STAC: variants seen among roughly 807,000 people sequenced by gnomAD.
STAC encodes the protein SH3 and cysteine rich domain.
Under a neutral mutation model 48.8 loss-of-function variants are expected in STAC, and 43 were observed. The observed-to-expected ratio is 0.88, with a 90% CI of 0.69 to 1.14. The LOEUF (loss-of-function observed/expected upper bound fraction) is 1.14. STAC is among the 50% of genes most tolerant of loss of function. STAC has a pLI of 0.00. For missense variants in STAC, 497 were observed against 504.0 expected (o/e 0.99, Z 0.13); for synonymous variants, 193 against 179.5 (o/e 1.07, Z -0.60).
At chr3:36,457,774 CA>C (rs1235024039) in intron 2 of STAC, among the ~76,000 whole-genome samples, 1 of 152,238 alleles carries the variant, frequency 6.6e-6, no homozygotes, top group Non-Finnish European at 1.5e-5. Flanking sequence ...AAACTTTAAG[CA>C]AAACACACAA....
At chr3:36,513,934 C>T (rs1180785325) in intron 8 of STAC, among the ~76,000 whole-genome samples, 1 of 151,980 alleles carries the variant, frequency 6.6e-6, no homozygotes, top group Non-Finnish European at 1.5e-5. Flanking sequence ...ATCAGTTGAC[C>T]TGGGTTTAAG....
intron 8 of STAC, among the ~76,000 whole-genome samples, chr3:36,516,351 G>A (rs1698673599): frequency 2.0e-5 from 3 of 152,010 alleles, no homozygotes; most frequent in African/African-American, 7.2e-5. Flanking sequence ...AAGAGGAAGA[G>A]CTGGTTGCTG....
chr3:36,458,046 G>C (rs1696900413), intron 2 of STAC, among the ~76,000 whole-genome samples: 2 of 152,200 alleles, frequency 1.3e-5, no homozygotes, highest in African/African-American at 2.4e-5. Context: ...GGTTGGAAAA[G>C]ATGTAGTAGA....
At chr3:36,432,937 G>A (rs1402959897) in intron 1 of STAC, among the ~76,000 whole-genome samples, 1 of 152,176 alleles carries the variant, frequency 6.6e-6, no homozygotes, top group Admixed American at 6.5e-5. Flanking sequence ...AGAGCCTGGT[G>A]TATAATAAGA....
chr3:36,468,088 T>G (rs1697227031), intron 2 of STAC, among the ~76,000 whole-genome samples: 1 of 152,152 alleles, frequency 6.6e-6, no homozygotes, highest in Non-Finnish European at 1.5e-5. Flanking sequence ...ATTTCCATCT[T>G]GATTTCATTG....
At chr3:36,397,900 T>TGCAGCAG (rs1480702376) in intron 1 of STAC, among the ~76,000 whole-genome samples, 9 of 151,768 alleles carry the variant, frequency 5.9e-5, no homozygotes, top group Admixed American at 5.9e-4. Context: ...GACTTTTGCA[T>TGCAGCAG]GCAGCAGGCA....
At chr3:36,518,525 T>C (rs147616574) in intron 8 of STAC, among the ~76,000 whole-genome samples, 21 of 152,330 alleles carry the variant, frequency 1.4e-4, no homozygotes, top group African/African-American at 4.8e-4. Flanking sequence ...ACTACTTCAA[T>C]GTATGTCAGA....
At chr3:36,401,995 G>T (rs546495397) in intron 1 of STAC, among the ~76,000 whole-genome samples, 1 of 152,192 alleles carries the variant, frequency 6.6e-6, no homozygotes, top group African/African-American at 2.4e-5. Flanking sequence ...AACTATAGAG[G>T]TGGAGGCTGA....
intron 2 of STAC, among the ~76,000 whole-genome samples, chr3:36,458,261 C>T (rs559946185): frequency 9.9e-5 from 15 of 152,242 alleles, no homozygotes; most frequent in East Asian, 3.9e-4. Flanking sequence ...ATTGAGGCCC[C>T]ATACTAGAGT....
At chr3:36,488,845 G>T (rs1236485127) in intron 5 of STAC, among the ~76,000 whole-genome samples, 2 of 152,006 alleles carry the variant, frequency 1.3e-5, no homozygotes, top group African/African-American at 2.4e-5. Flanking sequence ...TTAAAGAAAG[G>T]CTTTGCGCCA....
Position 36,398,303 on chromosome 3 carries a change from GAA to G in STAC, c.111+17551_111+17552del, listed in dbSNP as rs1255850087. 1.6e-4 allele frequency among the ~76,000 whole-genome samples: 16 copies of G among 97,226 alleles called. 1 individual carries two copies. The highest frequency in any genetic ancestry group is 1.3e-3 in the Admixed American group (12 of 9,426). 63.8% of individuals were successfully genotyped at this position (97,226 alleles called of 152,430 possible). A position where few individuals can be genotyped will look rare whatever the true frequency, so the allele number is the denominator to read the frequency against. On this transcript the variant is annotated intron_variant, in intron 1 of 10. Transcript: ENST00000273183. ...CTATGAAGGTATGTTAAAAAAGAAAGAAAGAAAGAAAGAAAGCAAGAAAGAAA... is the reference window on the plus strand; with the variant it reads ...CTATGAAGGTATGTTAAAAAAGAAAGAGAAAGAAAGAAAGCAAGAAAGAAA...
chr3:36,442,501 G>A (rs1409493695), intron 1 of STAC, among the ~76,000 whole-genome samples: 1 of 152,124 alleles, frequency 6.6e-6, no homozygotes, highest in East Asian at 1.9e-4. Context: ...GGTGCACCAT[G>A]GTGCAAGCTG....
rs6808777 is a variant in STAC at position 36,416,148 on chromosome 3, T to G, written c.112-27216T>G. 2.8e-3 allele frequency among the ~76,000 whole-genome samples: 423 copies of G among 152,298 alleles called. 4 individuals carry two copies. Among genetic ancestry groups the G allele is most frequent in the African/African-American group, 9.6e-3 (400 of 41,556 alleles). ...CTTTGGGAATTACTTTTAATTTTTA[T>G]AGTAACTTGGAAAGAATTGACTTAC... On this transcript the variant is annotated intron_variant, in intron 1 of 10. Transcript: ENST00000273183.
chr3:36,437,447 T>TA (rs1430758768), intron 1 of STAC, among the ~76,000 whole-genome samples: 2 of 151,676 alleles, frequency 1.3e-5, no homozygotes, highest in African/African-American at 2.4e-5. Context: ...TATGCAGCCA[T>TA]AAAAAATGAT....
intron 1 of STAC, among the ~76,000 whole-genome samples, chr3:36,406,685 A>G (rs113255764): frequency 1.3e-5 from 2 of 152,370 alleles, no homozygotes; most frequent in African/African-American, 4.8e-5. Flanking sequence ...TTTTGTAAAT[A>G]AACTTTCATT....
intron 2 of STAC, among the ~76,000 whole-genome samples, chr3:36,479,570 T>G (rs539889918): frequency 6.6e-6 from 1 of 152,342 alleles, no homozygotes; most frequent in East Asian, 1.9e-4. Flanking sequence ...AGTGGCATCT[T>G]TGTTTCCAGG....
chr3:36,453,046 G>T (rs960629865), intron 2 of STAC, among the ~76,000 whole-genome samples: 4 of 152,244 alleles, frequency 2.6e-5, no homozygotes, highest in Admixed American at 1.3e-4. Context: ...CCCATTTTGG[G>T]TACCAGTTTG....
chr3:36,462,498 T>C (rs1292902866), intron 2 of STAC, among the ~76,000 whole-genome samples: 3 of 152,084 alleles, frequency 2.0e-5, no homozygotes, highest in East Asian at 1.9e-4. Context: ...GGAGTAAGTA[T>C]AGACAGAGAA....
chr3:36,495,224 T>A (rs1268949623), intron 6 of STAC, among the ~76,000 whole-genome samples: 2 of 152,238 alleles, frequency 1.3e-5, no homozygotes, highest in Non-Finnish European at 2.9e-5. Context: ...TTGGATGACA[T>A]AATGAATGTA....
Sources: allele counts gnomAD v4.1 joint callset (sites outside exome capture counted in the v4.1 genomes callset), GRCh38; gene constraint gnomAD v4.1.1; transcripts MANE v1.5; gene names NCBI Gene and HGNC (gene_info 2026-07-23, HGNC 2026-07-21).